The following UBE2L3 variants were observed in gnomAD, a reference collection of about 807,000 sequenced individuals.
UBE2L3 encodes the protein ubiquitin-conjugating enzyme E2 L3.
In UBE2L3, 1 loss-of-function variant was observed where a neutral mutation model predicts 17.8. The observed-to-expected ratio is 0.06, with a 90% CI of 0.02 to 0.27. The LOEUF is 0.27. Ranked by LOEUF, UBE2L3 falls within the 10% of genes least tolerant of loss-of-function variation. UBE2L3 has a pLI of 1.00. For synonymous variants in UBE2L3, 44 were observed against 68.5 expected, an observed-to-expected ratio of 0.64 and a Z score of 1.76; for missense variants, 40 against 192.6, an observed-to-expected ratio of 0.21 and a Z score of 4.69.
chr22:21,593,773 C>T (rs1928385590), intron 2 of UBE2L3, among the ~76,000 whole-genome samples: 1 of 152,138 alleles, frequency 6.6e-6, no homozygotes, highest in Admixed American at 6.5e-5. Flanking sequence ...CCTTGCTTGC[C>T]TCCTGAGCTT....
intron 1 of UBE2L3, among the ~76,000 whole-genome samples, chr22:21,572,010 A>G (rs1472517409): frequency 1.3e-5 from 2 of 152,196 alleles, no homozygotes; most frequent in Non-Finnish European, 2.9e-5. Context: ...TTCTAAATTC[A>G]TGCATTCCAG....
In UBE2L3 at chr22:21,589,198, T is replaced by C. The variant is rs960626578; in HGVS notation, c.28-3663T>C. On this transcript the variant is annotated intron_variant, in intron 1 of 3. Coordinates refer to ENST00000342192, the MANE Select transcript of UBE2L3 (RefSeq NM_003347.4). ...TCTCGCTCTGTCACCCAGGCTGGAG[T>C]GCAGTGGCGCAATCTTGGCTGACTG... is the stretch of plus-strand genomic sequence containing the variant. Among the ~76,000 whole-genome samples the C allele has an allele frequency of 2.8e-5, 4 of 142,734 alleles. No individual in the cohort carries two copies. In the Admixed American group the frequency reaches 3.1e-4, roughly 11 times the overall value. The allele number at this position is 142,734 out of a possible 152,430, so 93.6% of individuals were successfully genotyped here.
chr22:21,562,991 C>G (rs1339439564), upstream of UBE2L3, among the ~76,000 whole-genome samples: 4 of 151,692 alleles, frequency 2.6e-5, no homozygotes, highest in Admixed American at 2.6e-4. Context: ...CGCCTGTAAT[C>G]CCAGCACTTT....
intron 1 of UBE2L3, among the ~76,000 whole-genome samples, chr22:21,591,786 G>T (rs917150433): frequency 4.1e-4 from 63 of 152,190 alleles, no homozygotes; most frequent in African/African-American, 1.3e-3. Context: ...AGGAGGCAGG[G>T]CTCAGCTGGA....
chr22:21,564,037 CT>C (rs131661), upstream of UBE2L3, among the ~76,000 whole-genome samples: 3,589 of 138,020 alleles, frequency 0.026, 104 homozygotes, highest in South Asian at 0.11. Flanking sequence ...TTCTTTCTTT[CT>C]TTTTTTTTTT....
intron 1 of UBE2L3, among the ~76,000 whole-genome samples, chr22:21,579,005 T>A (rs1007733981): frequency 5.0e-5 from 7 of 141,242 alleles, no homozygotes; most frequent in Non-Finnish European, 7.6e-5. Context: ...TTATTTATTT[T>A]TTGAGATGGA....
At chr22:21,577,093 C>T (rs983648316) in intron 1 of UBE2L3, among the ~76,000 whole-genome samples, 11 of 151,950 alleles carry the variant, frequency 7.2e-5, no homozygotes, top group Middle Eastern at 3.4e-3. Flanking sequence ...TTCACCCTCT[C>T]GAGTAGCTGG....
chr22:21,593,006 G>A (rs775648030), intron 2 of UBE2L3, 50 bp downstream of exon 2: 2 of 1,539,532 alleles, frequency 1.3e-6, no homozygotes, highest in Admixed American at 1.7e-5. Context: ...TTAAGGTGAT[G>A]TGTGTGCTGT....
chr22:21,582,127 A>C lies in UBE2L3; in HGVS notation c.28-10734A>C, dbSNP rs555447093. 2.3e-4 allele frequency among the ~76,000 whole-genome samples: 35 copies of C among 150,996 alleles called. No homozygotes were observed. In the South Asian group the frequency reaches 2.9e-3, roughly 13 times the overall value. On this transcript the variant is annotated intron_variant, in intron 1 of 3. Transcript: ENST00000342192. ...AGAGTGAGACTTCATCTCAAAAAAAAAAACAAAAAAACAAACAAAAAAAAA... is the reference window on the plus strand; with the variant it reads ...AGAGTGAGACTTCATCTCAAAAAAACAAACAAAAAAACAAACAAAAAAAAA...
At chr22:21,568,187 C>T (rs1926747974) in intron 1 of UBE2L3, 1 of 997,212 alleles carries the variant, frequency 1.0e-6, no homozygotes, top group African/African-American at 1.7e-5. Context: ...AACCGCCCCG[C>T]CCTGGGCCGC....
intron 1 of UBE2L3, among the ~76,000 whole-genome samples, chr22:21,578,551 G>A (rs574487603): frequency 6.6e-6 from 1 of 152,042 alleles, no homozygotes; most frequent in Non-Finnish European, 1.5e-5. Flanking sequence ...AGTCTGGTAG[G>A]GGGGTGCTGG....
chr22:21,562,218 G>A (rs1286452852), intron 1 of UBE2L3, among the ~76,000 whole-genome samples: 3 of 146,306 alleles, frequency 2.1e-5, no homozygotes, highest in Non-Finnish European at 4.5e-5. Context: ...TTTTTGAGAC[G>A]GAGTCTCGCT....
intron 2 of UBE2L3, among the ~76,000 whole-genome samples, chr22:21,596,744 C>T (rs567613456): frequency 2.0e-5 from 3 of 152,236 alleles, no homozygotes; most frequent in African/African-American, 7.2e-5. Flanking sequence ...ATCTCAGCCT[C>T]TCAAAGTGCT....
chr22:21,567,452 C>T (rs1028846379), upstream of UBE2L3: 3 of 461,602 alleles, frequency 6.5e-6, no homozygotes, highest in Middle Eastern at 6.1e-4. Flanking sequence ...CGTGAGCCCC[C>T]GCGCCTGGTC....
chr22:21,589,369 G>A (rs1928133771), intron 1 of UBE2L3, among the ~76,000 whole-genome samples: 1 of 149,478 alleles, frequency 6.7e-6, no homozygotes. Flanking sequence ...GGATGGTCTT[G>A]ATCTCCTGAC....
chr22:21,551,938 A>G (rs1326289330), intron 1 of UBE2L3, among the ~76,000 whole-genome samples: 65 of 109,914 alleles, frequency 5.9e-4, no homozygotes, highest in African/African-American at 2.2e-3. Flanking sequence ...GAAGGAATAC[A>G]CACATACACT....
At chr22:21,593,840 C>T (rs527893287) in intron 2 of UBE2L3, among the ~76,000 whole-genome samples, 1 of 152,286 alleles carries the variant, frequency 6.6e-6, no homozygotes, top group African/African-American at 2.4e-5. Flanking sequence ...CCACTCGCTC[C>T]TGTTCTGCCA....
chr22:21,568,853 G>C (rs1294419507), intron 1 of UBE2L3, among the ~76,000 whole-genome samples: 1 of 152,180 alleles, frequency 6.6e-6, no homozygotes, highest in Non-Finnish European at 1.5e-5. Flanking sequence ...CAGTCTCTGA[G>C]CATTCCCTCC....
chr22:21,600,927 T>C (rs1928822371), intron 2 of UBE2L3, among the ~76,000 whole-genome samples: 1 of 152,054 alleles, frequency 6.6e-6, no homozygotes. Context: ...CCCAGCACTT[T>C]GTGGGGCTGA....
Sources: allele counts gnomAD v4.1 joint callset (sites outside exome capture counted in the v4.1 genomes callset), GRCh38; gene constraint gnomAD v4.1.1; transcripts MANE v1.5; gene names NCBI Gene and HGNC (gene_info 2026-07-23, HGNC 2026-07-21).